The following PPP1R13L variants were observed in gnomAD, a reference collection of about 807,000 sequenced individuals.
PPP1R13L encodes the protein protein phosphatase 1 regulatory subunit 13 like.
PPP1R13L carries 50 observed loss-of-function variants against 80.9 expected under a neutral mutation model. That is an observed-to-expected ratio of 0.62 (90% CI 0.49 to 0.78). PPP1R13L has a LOEUF of 0.78. Among genes scored for constraint, PPP1R13L ranks in the 30% least tolerant of loss-of-function variants. PPP1R13L has a pLI of 0.00. For missense variants in PPP1R13L, 1,200 were observed against 1,205.9 expected (o/e 1.00, Z 0.07); for synonymous variants, 602 against 534.3 (o/e 1.13, Z -1.75).
In PPP1R13L at chr19:45,396,886, G is replaced by A. The variant is rs189068170; in HGVS notation, c.371C>T (p.Pro124Leu). The A allele has an allele frequency of 2.4e-5, 37 of 1,526,862 alleles. No homozygotes were observed. In the Middle Eastern group the frequency reaches 5.2e-4, roughly 21 times the overall value. 94.6% of individuals were successfully genotyped at this position (1,526,862 alleles called of 1,614,324 possible). A position where few individuals can be genotyped will look rare whatever the true frequency, so the allele number is the denominator to read the frequency against. ...GTAGGCGTCCGGCTGCAGGTAGAGCGGGGTGCGCGGCGACGACGGCCGTCC... is the reference window on the plus strand; with the variant it reads ...GTAGGCGTCCGGCTGCAGGTAGAGCAGGGTGCGCGGCGACGACGGCCGTCC... ...PKGRPSSPRT[P>L]LYLQPDAYGS... The change falls in exon 4 of 13, where the codon CCG (proline) becomes CTG (leucine). Residue 124 changes from proline (P) to leucine (L), a missense_variant. By Grantham distance (98) the Pro-to-Leu change is moderately conservative. Coordinates refer to ENST00000360957, the MANE Select transcript of PPP1R13L (RefSeq NM_006663.4). This position sits in a 1 kb window ranked among gnomAD's most constrained non-coding sequence, Gnocchi z 5.3.
chr19:45,385,238 C>T (rs1484501163), intron 11 of PPP1R13L, among the ~76,000 whole-genome samples: 3 of 152,174 alleles, frequency 2.0e-5, no homozygotes, highest in Admixed American at 6.5e-5. Context: ...TGCCCAGAGC[C>T]CTATGCCAGG....
At chr19:45,383,467 G>C (rs1429485013) in intron 11 of PPP1R13L, among the ~76,000 whole-genome samples, 2 of 150,836 alleles carry the variant, frequency 1.3e-5, no homozygotes, top group Admixed American at 6.6e-5. Context: ...GCCAATTTTT[G>C]TATCTTTAGT....
Position 45,395,516 on chromosome 19 carries a change from G to T in PPP1R13L, c.1274C>A (p.Pro425His), listed in dbSNP as rs373481956. 7.8e-5 allele frequency: 116 copies of T among 1,489,220 alleles called. No individual in the cohort carries two copies. The highest frequency in any genetic ancestry group is 9.4e-5 in the Non-Finnish European group (105 of 1,113,312). The allele number at this position is 1,489,220 out of a possible 1,614,324, so 92.3% of individuals were successfully genotyped here. ...TTGGGGTTGGGTCTGGGGCTGTGGG[G>T]GCAGCTGGGGCTGTGGTTGTGATTG... Reference protein sequence around the residue: ...QPQSQPQPQLPPQPQTQPQTP... With the variant: ...QPQSQPQPQLHPQPQTQPQTP... Residue 425 changes from proline to histidine, a missense_variant, in exon 7 of 13, where the codon CCC becomes CAC. By Grantham distance (77) the Pro-to-His change is moderately conservative. Coordinates refer to ENST00000360957, the MANE Select transcript of PPP1R13L (RefSeq NM_006663.4).
Position 45,392,273 on chromosome 19 carries a change from C to T in PPP1R13L, c.1422G>A (p.Leu474=), listed in dbSNP as rs776791451. 11 of 1,613,508 alleles carry T rather than the reference C, an allele frequency of 6.8e-6. No homozygotes were observed. Among genetic ancestry groups the T allele is most frequent in the African/African-American group, 1.3e-5 (1 of 74,928 alleles). ...PEIEGLLTPV[L]EAGDVDEGPV... ...GGCCTTCATCCACATCGCCAGCCTC[C>T]AGCACTGGTGTCAGCAGCCCCTCTA... Residue 474 remains leucine, a synonymous_variant, in exon 8 of 13, where the codon CTG becomes CTA. Transcript: ENST00000360957.
Position 45,398,103 on chromosome 19 carries a change from T to C in PPP1R13L, c.100A>G (p.Thr34Ala). 4 of 1,614,176 alleles carry C rather than the reference T, an allele frequency of 2.5e-6. No individual in the cohort carries two copies. The highest frequency in any genetic ancestry group is 3.4e-6 in the Non-Finnish European group (4 of 1,180,024). Residue 34 changes from threonine (T) to alanine (A), a missense_variant, in exon 3 of 13, where the codon ACG becomes GCG. Thr to Ala is a moderately conservative substitution (Grantham distance 58). This residue lies in a region of PPP1R13L where 764 missense variants were observed against 714.5 expected (regional missense o/e 1.07). Transcript: ENST00000360957. Reference protein sequence around the residue: ...HMDLKQMELDTAAAKVDELTK... With the variant: ...HMDLKQMELDAAAAKVDELTK... ...AGTTCATCCACCTTGGCCGCCGCCGTGTCCAGCTCCATCTGCTTCAGATCC... is the reference window on the plus strand; with the variant it reads ...AGTTCATCCACCTTGGCCGCCGCCGCGTCCAGCTCCATCTGCTTCAGATCC...
Position 45,382,696 on chromosome 19 carries a change from C to T in PPP1R13L, c.2279G>A (p.Ser760Asn). 1.2e-6 allele frequency: 2 copies of T among 1,614,086 alleles called. No homozygotes were observed. Among genetic ancestry groups the T allele is most frequent in the Non-Finnish European group, 1.7e-6 (2 of 1,180,050 alleles). Residue 760 changes from serine (S) to asparagine (N), a missense_variant, in exon 12 of 13, where the codon AGC becomes AAC. Physicochemically the swap from Ser to Asn is conservative, Grantham distance 46. This residue lies in a region of PPP1R13L where 165 missense variants were observed against 177.1 expected (regional missense o/e 0.93). Coordinates refer to ENST00000360957, the MANE Select transcript of PPP1R13L (RefSeq NM_006663.4). Reference protein sequence around the residue: ...DVEQSMGLMNSGAVYALWDYS... With the variant: ...DVEQSMGLMNNGAVYALWDYS... ...GTCCCAGAGAGCGTACACTGCCCCG[C>T]TGTTCATCAGCCCCATACTCTGCTC... is the stretch of plus-strand genomic sequence containing the variant.
At chr19:45,395,165 C>A in intron 7 of PPP1R13L, 1 of 479,988 alleles carries the variant, frequency 2.1e-6, no homozygotes, top group Non-Finnish European at 3.7e-6. Context: ...CTTTTACACT[C>A]AAGAAAATTG....
At chr19:45,384,366 C>CAAAAAAAAAAAAAA (rs770216477) in intron 11 of PPP1R13L, among the ~76,000 whole-genome samples, 9 of 91,224 alleles carry the variant, frequency 9.9e-5, no homozygotes, top group South Asian at 3.8e-4. Flanking sequence ...ACTAAAAATA[C>CAAAAAAAAAAAAAA]AAAAAAAAAA....
At chr19:45,391,691 C>A (rs976970386) in intron 8 of PPP1R13L, among the ~76,000 whole-genome samples, 189 bp downstream of exon 8, 1 of 152,148 alleles carries the variant, frequency 6.6e-6, no homozygotes, top group South Asian at 2.1e-4. Flanking sequence ...TGGCAGAGCC[C>A]CAGGTAGATA....
Position 45,398,095 on chromosome 19 carries a change from C to A in PPP1R13L, c.108G>T (p.Ala36=). The A allele has an allele frequency of 6.2e-7, 1 of 1,614,172 alleles. No individual in the cohort carries two copies. Among genetic ancestry groups the A allele is most frequent in the Non-Finnish European group, 8.5e-7 (1 of 1,180,040 alleles). ...DLKQMELDTA[A]AKVDELTKQL... ...GCTTGGTCAGTTCATCCACCTTGGC[C>A]GCCGCCGTGTCCAGCTCCATCTGCT... is the stretch of plus-strand genomic sequence containing the variant. The change falls in exon 3 of 13, where the codon GCG becomes GCT. Residue 36 remains alanine, a synonymous_variant. Coordinates refer to ENST00000360957, the MANE Select transcript of PPP1R13L (RefSeq NM_006663.4).
Position 45,385,735 on chromosome 19 carries a change from G to C in PPP1R13L, c.2082-7C>G. ...CGCGCAGTGCAAGGGTGTCCTAGGC[G>C]TGGGGGTGGGGGGTTGCGGGGAACG... On this transcript the variant is annotated splice_polypyrimidine_tract_variant and splice_region_variant and intron_variant, in intron 10 of 12. Transcript: ENST00000360957. The C allele has an allele frequency of 6.2e-7, 1 of 1,608,856 alleles. No individual in the cohort carries two copies. Among genetic ancestry groups the C allele is most frequent in the East Asian group, 2.2e-5 (1 of 44,740 alleles).
At chr19:45,383,591 G>A (rs1293214745) in intron 11 of PPP1R13L, among the ~76,000 whole-genome samples, 2 of 152,026 alleles carry the variant, frequency 1.3e-5, no homozygotes, top group Non-Finnish European at 1.5e-5. Context: ...CACCTGGCCC[G>A]GCCCTCATTT....
chr19:45,401,461 G>A (rs1425395114), intron 1 of PPP1R13L, among the ~76,000 whole-genome samples: 1 of 151,782 alleles, frequency 6.6e-6, no homozygotes, highest in Admixed American at 6.6e-5. Flanking sequence ...GCCTCCCAAA[G>A]TGCTGAGATT....
intron 8 of PPP1R13L, among the ~76,000 whole-genome samples, chr19:45,391,652 C>T (rs1972974575): frequency 6.6e-6 from 1 of 152,160 alleles, no homozygotes; most frequent in Non-Finnish European, 1.5e-5. Context: ...CCATCTAGGA[C>T]CATGAAGGCA....
In PPP1R13L at chr19:45,391,881, ATGCTCTGCGGC is replaced by A. The variant is rs1307290097; in HGVS notation, c.1803_1813del (p.Gln601HisfsTer139). 6.8e-7 allele frequency: 1 copy of A among 1,476,494 alleles called. No homozygotes were observed. The highest frequency in any genetic ancestry group is 2.5e-5 in the Admixed American group (1 of 39,750). The allele number at this position is 1,476,494 out of a possible 1,614,324, so 91.5% of individuals were successfully genotyped here. On this transcript the variant is annotated frameshift_variant and splice_region_variant, in exon 8 of 13. Coordinates refer to ENST00000360957, the MANE Select transcript of PPP1R13L (RefSeq NM_006663.4). LOFTEE classifies it high-confidence loss of function. ...CCGGTTTCCTCCTGTATTACTTACC[ATGCTCTGCGGC>A]TGCTCTGGTGGGCTGCTCTGGGACG...
In PPP1R13L at chr19:45,392,351, C is replaced by A; in HGVS notation, c.1355-11G>T. The stretch of plus-strand genomic sequence containing the variant: ...GGGGTTTGGGGGGTCCTAGCCGGAA[C>A]AAGAGCCCATCAGAGGACAGGTCCC... On this transcript the variant is annotated splice_polypyrimidine_tract_variant and intron_variant, in intron 7 of 12. Transcript: ENST00000360957. The A allele has an allele frequency of 6.2e-7, 1 of 1,612,720 alleles. No homozygotes were observed. The highest frequency in any genetic ancestry group is 8.5e-7 in the Non-Finnish European group (1 of 1,179,664).
intron 1 of PPP1R13L, among the ~76,000 whole-genome samples, chr19:45,402,825 T>C (rs1021765966): frequency 3.9e-5 from 6 of 152,340 alleles, no homozygotes; most frequent in African/African-American, 1.4e-4. Context: ...CCTGGCCTCC[T>C]CTGCACCCCA....
intron 11 of PPP1R13L, among the ~76,000 whole-genome samples, chr19:45,383,293 CTTTTT>C (rs1164667426): frequency 4.8e-5 from 3 of 62,826 alleles, no homozygotes; most frequent in Admixed American, 2.1e-4. Context: ...CGCGCCCGGC[CTTTTT>C]TTTTTTTTTT....
At chr19:45,398,174 A>G in intron 2 of PPP1R13L, 27 bp from the exon 3 acceptor site, 2 of 1,612,632 alleles carry the variant, frequency 1.2e-6, no homozygotes, top group Non-Finnish European at 1.7e-6. Flanking sequence ...GGAGGTAAGG[A>G]CCTGGCCTCC....
Sources: gnomAD v4.1 joint callset for allele counts (sites outside exome capture counted in the v4.1 genomes callset) on GRCh38, gnomAD v4.1.1 for gene constraint, gnomAD v4.1.1 regional missense constraint, Gnocchi (gnomAD v3.1) non-coding constraint, MANE v1.5 for transcripts, NCBI Gene and HGNC (gene_info 2026-07-23, HGNC 2026-07-21) for gene names.